The following CASK variants were observed in gnomAD, a reference collection of about 807,000 sequenced individuals.
The protein encoded by CASK is calcium/calmodulin dependent serine protein kinase, also known as peripheral plasma membrane protein CASK.
A neutral mutation model predicts 82.9 loss-of-function variants in CASK; 4 were observed. The observed-to-expected ratio is 0.05, with a 90% CI of 0.02 to 0.11. The LOEUF (loss-of-function observed/expected upper bound fraction) is 0.11. Ranked by LOEUF, CASK falls within the 10% of genes least tolerant of loss-of-function variation. The pLI is 1.00. For synonymous variants in CASK, 259 were observed against 253.5 expected (o/e 1.02, Z -0.20); for missense variants, 358 against 720.9 (o/e 0.50, Z 5.76).
At chrX:41,739,234 C>A in intron 5 of CASK, 150 bp downstream of exon 5, 1 of 435,405 alleles carries the variant, frequency 2.3e-6, no homozygotes, top group Non-Finnish European at 4.0e-6. Flanking sequence ...AGTACAATGA[C>A]TTCCCAAATA....
chrX:41,878,136 C>T (rs1306696088), intron 1 of CASK, among the ~76,000 whole-genome samples: 1 of 107,516 alleles, frequency 9.3e-6, no homozygotes, highest in African/African-American at 3.4e-5. Flanking sequence ...CACTAACCAA[C>T]ATCAATCACA....
chrX:41,845,128 G>A (rs1476976610), intron 2 of CASK, among the ~76,000 whole-genome samples: 1 of 112,008 alleles, frequency 8.9e-6, no homozygotes, highest in East Asian at 2.8e-4. Flanking sequence ...TGTTCTATGT[G>A]TACTTGAAAA....
chrX:41,801,468 A>G (rs2069996704), intron 2 of CASK, among the ~76,000 whole-genome samples: 1 of 111,852 alleles, frequency 8.9e-6, no homozygotes, highest in Non-Finnish European at 1.9e-5. Flanking sequence ...CACTCTCAAT[A>G]AATTTCTTGC....
Position 41,534,783 on chromosome X carries a change from G to C in CASK, c.2240C>G (p.Ala747Gly). 1 of 1,202,689 alleles carries C rather than the reference G, an allele frequency of 8.3e-7. No homozygotes were observed. Among genetic ancestry groups the C allele is most frequent in the Non-Finnish European group, 1.1e-6 (1 of 887,494 alleles). The change falls in exon 24 of 27, where the codon GCA (alanine) becomes GGA (glycine). Residue 747 changes from alanine (A) to glycine (G), a missense_variant. Around this residue, in one of 5 missense-constraint regions of CASK, gnomAD observed 118 missense variants for 169.4 expected, o/e 0.70. Coordinates refer to ENST00000378163, the MANE Select transcript of CASK (RefSeq NM_001367721.1). ...TATGTGTCTTCTCCCAACACCATGTGCGCCTATGTCATTTAGAAAAAAAGA... is the reference window on the plus strand; with the variant it reads ...TATGTGTCTTCTCCCAACACCATGTCCGCCTATGTCATTTAGAAAAAAAGA... ...FKRKTLVLLG[A>G]HGVGRRHIKN...
chrX:41,921,675 G>A (rs754588994), intron 1 of CASK, among the ~76,000 whole-genome samples: 1 of 110,666 alleles, frequency 9.0e-6, no homozygotes, highest in Non-Finnish European at 1.9e-5. Context: ...AAAGTGTGTA[G>A]CAAGCTCTAC....
At chrX:41,853,480 T>C (rs764900244) in intron 1 of CASK, among the ~76,000 whole-genome samples, 8 of 112,249 alleles carry the variant, frequency 7.1e-5, no homozygotes, top group African/African-American at 1.9e-4. Context: ...TTTGCAGTAA[T>C]TTTTTAAAAA....
At chrX:41,698,596 T>C (rs980586365) in intron 5 of CASK, among the ~76,000 whole-genome samples, 4 of 111,767 alleles carry the variant, frequency 3.6e-5, no homozygotes, top group African/African-American at 9.7e-5. Context: ...CATTTGAATA[T>C]AGCTGTATAG....
chrX:41,669,340 G>C (rs938705610), intron 6 of CASK, among the ~76,000 whole-genome samples: 1 of 110,820 alleles, frequency 9.0e-6, no homozygotes, highest in Non-Finnish European at 1.9e-5. Flanking sequence ...TTAATATGGA[G>C]AAAATGTCCA....
chrX:41,527,260 T>A (rs762165254), intron 25 of CASK, among the ~76,000 whole-genome samples: 10 of 100,658 alleles, frequency 9.9e-5, no homozygotes, highest in East Asian at 3.1e-4. Flanking sequence ...AGAGAGAGAG[T>A]GTGTGTGTGT....
intron 2 of CASK, among the ~76,000 whole-genome samples, chrX:41,835,855 T>G (rs891826742): frequency 8.9e-6 from 1 of 112,354 alleles, no homozygotes; most frequent in African/African-American, 3.2e-5. Flanking sequence ...TCATCAGCAG[T>G]TTTTCACAGA....
At chrX:41,864,612 T>C (rs759728989) in intron 1 of CASK, among the ~76,000 whole-genome samples, 23 of 112,119 alleles carry the variant, frequency 2.1e-4, no homozygotes, top group Admixed American at 7.6e-4. Context: ...AAACAACTTT[T>C]GTCTGTAAGA....
chrX:41,537,713 G>A (rs2064891191), intron 22 of CASK, among the ~76,000 whole-genome samples: 1 of 109,972 alleles, frequency 9.1e-6, no homozygotes, highest in African/African-American at 3.3e-5. Flanking sequence ...ATCGAGAATA[G>A]TTACAAGAAA....
intron 5 of CASK, among the ~76,000 whole-genome samples, chrX:41,673,902 C>G (rs756397048): frequency 1.0e-5 from 1 of 96,732 alleles, no homozygotes; most frequent in African/African-American, 3.9e-5. Context: ...CTAGGCACAA[C>G]AGAACATACA....
intron 24 of CASK, among the ~76,000 whole-genome samples, chrX:41,534,472 G>T (rs190760240): frequency 1.1e-4 from 12 of 108,099 alleles, no homozygotes; most frequent in African/African-American, 3.7e-4. Context: ...GCCTAGAAGG[G>T]TATACAACAG....
chrX:41,568,264 AAAAG>A (rs1248365171), intron 16 of CASK, among the ~76,000 whole-genome samples: 1 of 111,388 alleles, frequency 9.0e-6, no homozygotes, highest in Non-Finnish European at 1.9e-5. Context: ...AAAGAAAAAA[AAAAG>A]AAAGAATGAT....
intron 3 of CASK, among the ~76,000 whole-genome samples, chrX:41,783,486 T>C (rs747077967): frequency 4.7e-5 from 5 of 105,348 alleles, no homozygotes; most frequent in Admixed American, 1.0e-4. Context: ...GAGACGGAGG[T>C]TGCAGTGAGC....
Position 41,652,124 on chromosome X carries a change from C to T in CASK, c.831+8315G>A, listed in dbSNP as rs189576976. The stretch of plus-strand genomic sequence containing the variant: ...CCATGATATCTGAGGGAAGAGTATT[C>T]TAGGGAAGGGTCATATAAAGGTGCT... On this transcript the variant is annotated intron_variant, in intron 8 of 26. Transcript: ENST00000378163. Among the ~76,000 whole-genome samples, 8 of 110,817 alleles carry T rather than the reference C, an allele frequency of 7.2e-5. 1 individual carries two copies. The Admixed American group carries it at 7.7e-4, about 11-fold the overall frequency.
At chrX:41,754,845 G>T (rs1040131795) in intron 3 of CASK, among the ~76,000 whole-genome samples, 1 of 107,029 alleles carries the variant, frequency 9.3e-6, no homozygotes, top group African/African-American at 3.4e-5. Flanking sequence ...TTCTGAGACA[G>T]AAAACTCTAG....
intron 20 of CASK, among the ~76,000 whole-genome samples, chrX:41,554,596 C>T (rs1310738959): frequency 8.9e-6 from 1 of 112,132 alleles, no homozygotes; most frequent in Non-Finnish European, 1.9e-5. Context: ...CAGCACAGAG[C>T]TTCAAGACAT....
Sources: gnomAD v4.1 joint callset for allele counts (sites outside exome capture counted in the v4.1 genomes callset) on GRCh38, gnomAD v4.1.1 for gene constraint, gnomAD v4.1.1 regional missense constraint, MANE v1.5 for transcripts, NCBI Gene and HGNC (gene_info 2026-07-23, HGNC 2026-07-21) for gene names.